The following ERCC1 variants were observed in gnomAD, a reference collection of about 807,000 sequenced individuals.
ERCC1 encodes ERCC excision repair 1, endonuclease non-catalytic subunit.
ERCC1 carries 36 observed loss-of-function variants against 37.6 expected under a neutral mutation model. The observed-to-expected ratio is 0.96, with a 90% CI of 0.73 to 1.26. The LOEUF is 1.26. ERCC1 is among the 50% of genes most tolerant of loss of function. The probability of loss-of-function intolerance (pLI) is 0.00; values close to 1 mark genes in which losing one functional copy is unlikely to be tolerated. For synonymous variants in ERCC1, 156 were observed against 162.1 expected, an observed-to-expected ratio of 0.96 and a Z score of 0.28; for missense variants, 349 against 376.5, an observed-to-expected ratio of 0.93 and a Z score of 0.60.
upstream of ERCC1, among the ~76,000 whole-genome samples, chr19:45,424,520 A>C (rs2123547642): frequency 6.6e-6 from 1 of 152,328 alleles, no homozygotes; most frequent in East Asian, 1.9e-4. Flanking sequence ...AGTTAGTATT[A>C]GTCACTTCCT....
chr19:45,451,311 T>G (rs1050247116), intron 1 of ERCC1, among the ~76,000 whole-genome samples: 1 of 152,156 alleles, frequency 6.6e-6, no homozygotes, highest in African/African-American at 2.4e-5. Flanking sequence ...CACACTTCGC[T>G]GGCCTGCCGT....
rs141326868 is a variant in ERCC1 at position 45,438,799 on chromosome 19, G to A, written c.-7-15418C>T. On this transcript the variant is annotated intron_variant, in intron 1 of 8. Coordinates refer to the ERCC1 transcript ENST00000423698. The stretch of plus-strand genomic sequence containing the variant: ...TGGGATTATAGGCATGCGCCACCAC[G>A]CCCGGCTAATTTTGTATTTTTAGTA... Among the ~76,000 whole-genome samples, 72 of 151,044 alleles carry A rather than the reference G, an allele frequency of 4.8e-4. 1 individual carries two copies. The East Asian group carries it at 0.013, about 27-fold the overall frequency.
At chr19:45,431,418 C>T (rs1049169304) in intron 1 of ERCC1, among the ~76,000 whole-genome samples, 6 of 152,138 alleles carry the variant, frequency 3.9e-5, no homozygotes, top group African/African-American at 1.2e-4. Context: ...GTGGCTCATG[C>T]CTGTAATCCC....
chr19:45,447,696 C>T (rs888810361), intron 1 of ERCC1, among the ~76,000 whole-genome samples: 1 of 152,038 alleles, frequency 6.6e-6, no homozygotes, highest in Admixed American at 6.6e-5. Context: ...CTCTAACTGC[C>T]GCAGAATGAC....
At chr19:45,436,990 G>A (rs1197996113) in intron 1 of ERCC1, among the ~76,000 whole-genome samples, 4 of 151,812 alleles carry the variant, frequency 2.6e-5, no homozygotes, top group African/African-American at 9.7e-5. Flanking sequence ...TGGCTCACGC[G>A]TGTAATCCCA....
intron 5 of ERCC1, 122 bp from the exon 6 acceptor site, chr19:45,417,019 C>A (rs1974108545): frequency 1.4e-6 from 1 of 730,702 alleles, no homozygotes; most frequent in East Asian, 2.7e-5. Flanking sequence ...ACTGCTTGAA[C>A]CCGGGAGGCA....
At chr19:45,427,253 G>A (rs900205583), upstream of ERCC1, among the ~76,000 whole-genome samples, 2 of 152,182 alleles carry the variant, frequency 1.3e-5, no homozygotes, top group Non-Finnish European at 2.9e-5. Flanking sequence ...GGCCAGGAGA[G>A]GTGGCTCACG....
chr19:45,440,695 CTTTA>C (rs1975098558), intron 1 of ERCC1, among the ~76,000 whole-genome samples: 4 of 152,210 alleles, frequency 2.6e-5, no homozygotes, highest in Admixed American at 2.0e-4. Context: ...TGAGCCGTTT[CTTTA>C]TTTACCCACC....
In ERCC1 at chr19:45,408,975, A is replaced by G. The variant is rs1429548281; in HGVS notation, c.*700T>C. On this transcript the variant is annotated 3_prime_UTR_variant, in exon 10 of 10. Transcript: ENST00000300853. ...AAGAAGAGGAAAAAAGAAAAGGGACAGATGGCAATGATGGAGCCAGGGACG... is the reference window on the plus strand; with the variant it reads ...AAGAAGAGGAAAAAAGAAAAGGGACGGATGGCAATGATGGAGCCAGGGACG... 3.7e-6 allele frequency: 6 copies of G among 1,613,980 alleles called. No individual in the cohort carries two copies. The highest frequency in any genetic ancestry group is 5.1e-6 in the Non-Finnish European group (6 of 1,180,022).
intron 9 of ERCC1, among the ~76,000 whole-genome samples, chr19:45,412,907 T>C (rs1973829544): frequency 6.6e-6 from 1 of 151,786 alleles, no homozygotes; most frequent in African/African-American, 2.4e-5. Context: ...ACCTGGCTAC[T>C]TTTTTGTATT....
At chr19:45,443,643 C>A (rs1249625348) in intron 1 of ERCC1, among the ~76,000 whole-genome samples, 1 of 152,142 alleles carries the variant, frequency 6.6e-6, no homozygotes, top group African/African-American at 2.4e-5. Context: ...GGCAGGGTTA[C>A]ACAACCCGTC....
chr19:45,419,414 G>A (rs1974266376), intron 4 of ERCC1: 1 of 556,316 alleles, frequency 1.8e-6, no homozygotes, highest in Admixed American at 3.0e-5. Flanking sequence ...TGCTTACCTA[G>A]AAGACCAGAC....
At chr19:45,433,128 A>T (rs1974877603) in intron 1 of ERCC1, among the ~76,000 whole-genome samples, 1 of 150,440 alleles carries the variant, frequency 6.6e-6, no homozygotes, top group African/African-American at 2.5e-5. Flanking sequence ...GGTGGCTCAC[A>T]CCTGTAATCC....
At position 45,416,761 on chromosome 19, in the gene ERCC1, G is replaced by T. The variant is rs554048453; in HGVS notation, c.602+60C>A. 5.2e-5 allele frequency: 67 copies of T among 1,295,144 alleles called. No individual in the cohort carries two copies. In the South Asian group the frequency reaches 6.7e-4, roughly 13 times the overall value. The allele number at this position is 1,295,144 out of a possible 1,614,324, so 80.2% of individuals were successfully genotyped here. Reference sequence around the variant, plus strand: ...AGGGAAGGGCTGGGCAGGGTGGGATGGGGGAGCAGGGACCAATCCCAGGTG... The same window carrying T: ...AGGGAAGGGCTGGGCAGGGTGGGATTGGGGAGCAGGGACCAATCCCAGGTG... On this transcript the variant is annotated intron_variant, in intron 6 of 9. Transcript: ENST00000300853.
At chr19:45,425,868 TACA>T (rs1974677125), upstream of ERCC1, among the ~76,000 whole-genome samples, 2 of 152,368 alleles carry the variant, frequency 1.3e-5, no homozygotes, top group African/African-American at 4.8e-5. Context: ...TGCCTGCATG[TACA>T]TGACATCCCT....
chr19:45,423,793 C>A lies in ERCC1; in HGVS notation c.-20G>T, dbSNP rs1447881652. ...CCGCCTCCCGCACCTGTGGTCCGGG[C>A]CTCACGGTTTCAGCGCCGCGAGGCC... On this transcript the variant is annotated 5_prime_UTR_variant, in exon 1 of 10. Transcript: ENST00000300853. The A allele has an allele frequency of 3.6e-6, 4 of 1,125,704 alleles. No homozygotes were observed. The South Asian group carries it at 1.2e-4, about 34-fold the overall frequency. The allele number at this position is 1,125,704 out of a possible 1,614,324, so 69.7% of individuals were successfully genotyped here.
rs773505594 is a variant in ERCC1, at chr19:45,409,010, G to A, written c.*665C>T. 6.8e-6 allele frequency: 11 copies of A among 1,613,960 alleles called. No individual in the cohort carries two copies. The Admixed American group carries it at 1.7e-4, about 24-fold the overall frequency. On this transcript the variant is annotated 3_prime_UTR_variant, in exon 10 of 10. Coordinates refer to ENST00000300853, the MANE Select transcript of ERCC1 (RefSeq NM_001983.4). ...GATGGAGCCAGGGACGGAGGCGATG[G>A]AGCCAGTGGAGCCGGAGATGAAGCC...
At chr19:45,449,316 C>G (rs183860249) in intron 1 of ERCC1, 1 of 152,040 alleles carries the variant, frequency 6.6e-6, no homozygotes, top group Non-Finnish European at 1.5e-5. Flanking sequence ...TTGAGTGCAC[C>G]GGGCTGCAGT....
At chr19:45,418,034 C>A (rs936757916) in intron 5 of ERCC1, among the ~76,000 whole-genome samples, 10 of 151,914 alleles carry the variant, frequency 6.6e-5, no homozygotes, top group African/African-American at 2.4e-4. Context: ...CAAGACCAGA[C>A]TGGGTAACAT....
Sources: gnomAD v4.1 joint callset for allele counts (sites outside exome capture counted in the v4.1 genomes callset) on GRCh38, gnomAD v4.1.1 for gene constraint, MANE v1.5 for transcripts, NCBI Gene and HGNC (gene_info 2026-07-23, HGNC 2026-07-21) for gene names.